The following PLEKHA7 variants were observed in gnomAD, a reference collection of about 807,000 sequenced individuals.
PLEKHA7 encodes the protein pleckstrin homology domain containing A7, also known as pleckstrin homology domain-containing family A member 7.
PLEKHA7 carries 104 observed loss-of-function variants against 170.0 expected under a neutral mutation model. That is an observed-to-expected ratio of 0.61 (90% CI 0.52 to 0.72). PLEKHA7 has a LOEUF of 0.72. Among genes scored for constraint, PLEKHA7 ranks in the 30% least tolerant of loss-of-function variants. PLEKHA7 has a pLI of 0.00. For synonymous variants in PLEKHA7, 648 were observed against 660.8 expected, an observed-to-expected ratio of 0.98 and a Z score of 0.30; for missense variants, 1,615 against 1,671.7, an observed-to-expected ratio of 0.97 and a Z score of 0.59.
At chr11:16,976,940 G>A (rs1176305443) in intron 3 of PLEKHA7, among the ~76,000 whole-genome samples, 2 of 152,080 alleles carry the variant, frequency 1.3e-5, no homozygotes, top group African/African-American at 2.4e-5. Flanking sequence ...CTGAGCACCT[G>A]GCAGTGTGCA....
At chr11:16,955,947 G>A (rs1013239164) in intron 3 of PLEKHA7, among the ~76,000 whole-genome samples, 6 of 152,144 alleles carry the variant, frequency 3.9e-5, no homozygotes, top group African/African-American at 1.2e-4. Flanking sequence ...GGAGAGGATC[G>A]CTTCAGCCCA....
intron 3 of PLEKHA7, among the ~76,000 whole-genome samples, chr11:17,009,751 T>A (rs1284535441): frequency 6.6e-6 from 1 of 152,060 alleles, no homozygotes; most frequent in East Asian, 1.9e-4. Flanking sequence ...TCCTCACACT[T>A]AAGCCTCTCA....
At chr11:16,821,845 C>T (rs992387491) in intron 10 of PLEKHA7, among the ~76,000 whole-genome samples, 1 of 152,140 alleles carries the variant, frequency 6.6e-6, no homozygotes, top group African/African-American at 2.4e-5. Flanking sequence ...GCCTTCAATT[C>T]TTCACTTTTA....
At chr11:16,915,225 A>C (rs1034846855) in intron 3 of PLEKHA7, among the ~76,000 whole-genome samples, 2 of 152,218 alleles carry the variant, frequency 1.3e-5, no homozygotes, top group Admixed American at 1.3e-4. Context: ...TCTCTGAGGC[A>C]GGCTGGCCTC....
chr11:16,781,448 G>C (rs987719794), intron 26 of PLEKHA7, among the ~76,000 whole-genome samples: 5 of 152,140 alleles, frequency 3.3e-5, no homozygotes, highest in African/African-American at 9.7e-5. Context: ...ATGGTATGGT[G>C]GGGGAGCCGC....
intron 3 of PLEKHA7, among the ~76,000 whole-genome samples, chr11:16,941,186 G>A (rs1165511929): frequency 1.3e-5 from 2 of 152,150 alleles, no homozygotes; most frequent in Non-Finnish European, 2.9e-5. Flanking sequence ...TCCCTAGGGT[G>A]TCCTTACCCA....
chr11:16,997,162 C>T (rs1346033033), intron 3 of PLEKHA7, among the ~76,000 whole-genome samples: 1 of 152,106 alleles, frequency 6.6e-6, no homozygotes, highest in Non-Finnish European at 1.5e-5. Flanking sequence ...CACCACTGCT[C>T]CCATCACCAC....
At chr11:16,833,160 T>C (rs1851251774) in intron 9 of PLEKHA7, among the ~76,000 whole-genome samples, 1 of 152,198 alleles carries the variant, frequency 6.6e-6, no homozygotes, top group Non-Finnish European at 1.5e-5. Flanking sequence ...CTGCTACTTT[T>C]CATGCTGTGC....
chr11:16,843,053 CGA>C (rs2135288573), intron 8 of PLEKHA7, among the ~76,000 whole-genome samples: 1 of 152,326 alleles, frequency 6.6e-6, no homozygotes, highest in East Asian at 1.9e-4. Context: ...GTAAGCTACA[CGA>C]GAGTGGGAAC....
At chr11:16,787,565 C>G (rs757522462) in intron 23 of PLEKHA7, 1 of 152,098 alleles carries the variant, frequency 6.6e-6, no homozygotes, top group Non-Finnish European at 1.5e-5. Flanking sequence ...CAAATAGAGA[C>G]AAGTCCTCAT....
intron 3 of PLEKHA7, among the ~76,000 whole-genome samples, chr11:16,967,726 G>A (rs982782547): frequency 3.9e-5 from 6 of 152,110 alleles, no homozygotes; most frequent in Non-Finnish European, 7.3e-5. Context: ...TTTCTCTGAC[G>A]GACAGGCCAG....
chr11:16,950,835 T>C (rs1353874798), intron 3 of PLEKHA7, among the ~76,000 whole-genome samples: 2 of 152,184 alleles, frequency 1.3e-5, no homozygotes, highest in Non-Finnish European at 2.9e-5. Context: ...ATGCTATAGA[T>C]AAAGTGTTTC....
intron 3 of PLEKHA7, among the ~76,000 whole-genome samples, chr11:16,948,649 A>AACAC (rs113101282): frequency 1.1e-5 from 1 of 92,808 alleles, no homozygotes; most frequent in African/African-American, 3.5e-5. Context: ...GTGAAGGAGG[A>AACAC]ACACACACAC....
At chr11:16,922,173 T>TACATTCTTG (rs11280822) in intron 3 of PLEKHA7, among the ~76,000 whole-genome samples, 137,710 of 151,742 alleles carry the variant, frequency 0.91, 63,004 homozygotes, top group Middle Eastern at 0.97. Flanking sequence ...CAGCACAAAA[T>TACATTCTTG]ACATTCTTAT....
At chr11:16,996,312 G>A (rs747532179) in intron 3 of PLEKHA7, among the ~76,000 whole-genome samples, 3 of 152,196 alleles carry the variant, frequency 2.0e-5, no homozygotes, top group Non-Finnish European at 4.4e-5. Flanking sequence ...TCAGGAGTGA[G>A]AACAGCTGAA....
Position 17,014,181 on chromosome 11 carries a change from G to T in PLEKHA7, c.107C>A (p.Thr36Asn). ...CTCCCCGGTGCGCGGATGCAGCCAG[G>T]TCGTGCAGCGGAGCTGGTCACTGCG... is the stretch of plus-strand genomic sequence containing the variant. ...FFINDQLRCT[T>N]WLHPRTGEPV... is the part of the protein sequence containing the mutation. The change falls in exon 2 of 27, where the codon ACC becomes AAC. Residue 36 changes from threonine (T) to asparagine (N), a missense_variant. Transcript: ENST00000531066. 1 of 1,597,544 alleles carries T rather than the reference G, an allele frequency of 6.3e-7. No homozygotes were observed.
chr11:16,888,489 T>C (rs1356483439), intron 3 of PLEKHA7, among the ~76,000 whole-genome samples: 1 of 152,308 alleles, frequency 6.6e-6, no homozygotes, highest in Admixed American at 6.5e-5. Context: ...TCCATTTTGT[T>C]CTGTACTAAG....
intron 4 of PLEKHA7, among the ~76,000 whole-genome samples, chr11:16,870,385 T>C (rs1157380962): frequency 6.6e-6 from 1 of 151,944 alleles, no homozygotes; most frequent in African/African-American, 2.4e-5. Flanking sequence ...TCCCAGCACT[T>C]TGGGAGGCTG....
chr11:16,933,329 A>G (rs1246843404), intron 3 of PLEKHA7, among the ~76,000 whole-genome samples: 1 of 152,236 alleles, frequency 6.6e-6, no homozygotes, highest in Non-Finnish European at 1.5e-5. Context: ...GTTCCATGCC[A>G]ATGCCTCTGA....
Sources: allele counts gnomAD v4.1 joint callset (sites outside exome capture counted in the v4.1 genomes callset), GRCh38; gene constraint gnomAD v4.1.1; transcripts MANE v1.5; gene names NCBI Gene and HGNC (gene_info 2026-07-23, HGNC 2026-07-21).